The following GATAD2A variants were observed in gnomAD, a reference collection of about 807,000 sequenced individuals.
The protein encoded by GATAD2A is transcriptional repressor p66-alpha.
GATAD2A carries 12 observed loss-of-function variants against 68.5 expected under a neutral mutation model. The observed-to-expected ratio is 0.18, with a 90% CI of 0.11 to 0.28. GATAD2A has a LOEUF of 0.28. GATAD2A is among the 10% of genes least tolerant of loss of function. The pLI is 1.00. For missense variants in GATAD2A, 755 were observed against 868.5 expected, an observed-to-expected ratio of 0.87 and a Z score of 1.64; for synonymous variants, 410 against 375.3, an observed-to-expected ratio of 1.09 and a Z score of -1.07.
intron 1 of GATAD2A, among the ~76,000 whole-genome samples, chr19:19,392,409 T>C (rs577766776): frequency 1.2e-4 from 18 of 147,986 alleles, no homozygotes; most frequent in African/African-American, 3.8e-4. Context: ...TTTTTTTTTT[T>C]CCAGACAGAG....
At chr19:19,396,878 T>G (rs914999862) in intron 1 of GATAD2A, among the ~76,000 whole-genome samples, 1 of 152,078 alleles carries the variant, frequency 6.6e-6, no homozygotes, top group African/African-American at 2.4e-5. Context: ...AGGGCTAATT[T>G]TTGTATTTTC....
chr19:19,390,860 G>A (rs1324641863), intron 1 of GATAD2A, among the ~76,000 whole-genome samples: 1 of 152,126 alleles, frequency 6.6e-6, no homozygotes, highest in Non-Finnish European at 1.5e-5. Context: ...CAGATTTGGG[G>A]ACAAAAGACT....
At chr19:19,454,012 T>C (rs1206379435) in intron 1 of GATAD2A, among the ~76,000 whole-genome samples, 7 of 149,428 alleles carry the variant, frequency 4.7e-5, no homozygotes, top group Non-Finnish European at 8.9e-5. Context: ...TTGTTTTGCT[T>C]TTGAGACAGA....
chr19:19,452,261 T>TC (rs2056469869), intron 1 of GATAD2A, among the ~76,000 whole-genome samples: 2 of 152,250 alleles, frequency 1.3e-5, no homozygotes, highest in South Asian at 4.1e-4. Flanking sequence ...TTCCCAGTCT[T>TC]CTTGTTGCCC....
intron 1 of GATAD2A, among the ~76,000 whole-genome samples, chr19:19,447,619 T>C (rs1315417498): frequency 2.0e-5 from 3 of 152,216 alleles, no homozygotes. Flanking sequence ...TGTTTGTGGG[T>C]AGACCCACGG....
chr19:19,402,755 T>TTTTTTG (rs1555801776), upstream of GATAD2A, among the ~76,000 whole-genome samples: 7 of 151,062 alleles, frequency 4.6e-5, no homozygotes, highest in African/African-American at 1.7e-4. Flanking sequence ...AGGGTTTTTT[T>TTTTTTG]TTTTTGTTTT....
intron 1 of GATAD2A, among the ~76,000 whole-genome samples, chr19:19,415,955 A>G (rs1036439571): frequency 2.8e-5 from 3 of 106,750 alleles, no homozygotes; most frequent in African/African-American, 1.6e-4. Flanking sequence ...TTTTCCCTGT[A>G]TGGTTTTTTT....
At chr19:19,434,692 C>T (rs1165734989) in intron 1 of GATAD2A, among the ~76,000 whole-genome samples, 1 of 152,164 alleles carries the variant, frequency 6.6e-6, no homozygotes, top group Non-Finnish European at 1.5e-5. Flanking sequence ...CAGCCTCTGG[C>T]CCATAGCCCT....
At chr19:19,479,122 A>C (rs1298299387) in intron 2 of GATAD2A, among the ~76,000 whole-genome samples, 1 of 152,158 alleles carries the variant, frequency 6.6e-6, no homozygotes, top group African/African-American at 2.4e-5. Context: ...GAGAAACCAA[A>C]ATCCAGAGTG....
chr19:19,433,577 TCA>T (rs917216483), intron 1 of GATAD2A, among the ~76,000 whole-genome samples: 6 of 152,196 alleles, frequency 3.9e-5, no homozygotes, highest in African/African-American at 9.7e-5. Flanking sequence ...TTCATATACT[TCA>T]GTTTTCTTTT....
chr19:19,420,870 CGT>C (rs1568269297), intron 1 of GATAD2A, among the ~76,000 whole-genome samples: 1 of 152,132 alleles, frequency 6.6e-6, no homozygotes, highest in African/African-American at 2.4e-5. Context: ...AGGCATGTAA[CGT>C]GTTGGCACAT....
chr19:19,471,768 C>A (rs970085479), intron 2 of GATAD2A, among the ~76,000 whole-genome samples: 12 of 152,260 alleles, frequency 7.9e-5, no homozygotes, highest in Middle Eastern at 3.4e-3. Context: ...AAAAACAAAA[C>A]CCGCAGAGGT....
At chr19:19,432,680 G>A (rs2053889081) in intron 1 of GATAD2A, among the ~76,000 whole-genome samples, 1 of 152,200 alleles carries the variant, frequency 6.6e-6, no homozygotes, top group African/African-American at 2.4e-5. Flanking sequence ...GACAGAACTA[G>A]GATTTTGTTT....
At chr19:19,387,632 G>T (rs1210935296) in intron 1 of GATAD2A, among the ~76,000 whole-genome samples, 3 of 152,032 alleles carry the variant, frequency 2.0e-5, no homozygotes, top group Non-Finnish European at 4.4e-5. Flanking sequence ...GCTTTTTGAT[G>T]AGTGCCTTCA....
chr19:19,451,058 C>T (rs866201192), intron 1 of GATAD2A, among the ~76,000 whole-genome samples: 1 of 152,064 alleles, frequency 6.6e-6, no homozygotes, highest in Middle Eastern at 3.4e-3. Context: ...GCGTGAGCCA[C>T]CGCACCCGGC....
intron 11 of GATAD2A, among the ~76,000 whole-genome samples, chr19:19,504,261 G>C (rs750147626): frequency 8.5e-5 from 13 of 152,252 alleles, no homozygotes; most frequent in Admixed American, 2.6e-4. Context: ...CGTGTGCTGG[G>C]TGGGGGCATT....
intron 2 of GATAD2A, among the ~76,000 whole-genome samples, chr19:19,480,258 A>C (rs543796793): frequency 6.6e-6 from 1 of 152,308 alleles, no homozygotes; most frequent in African/African-American, 2.4e-5. Context: ...ATACCATTGA[A>C]TGTTGGAAAA....
At chr19:19,418,794 G>A (rs567048405) in intron 1 of GATAD2A, among the ~76,000 whole-genome samples, 143 of 152,224 alleles carry the variant, frequency 9.4e-4, no homozygotes, top group African/African-American at 3.4e-3. Context: ...AAGACAGGTG[G>A]GTGTCCCGCT....
rs909870834 is a variant in GATAD2A, at chr19:19,505,751, G to A, written c.*277G>A. On this transcript the variant is annotated 3_prime_UTR_variant, in exon 12 of 12. Coordinates refer to ENST00000683918, the MANE Select transcript of GATAD2A (RefSeq NM_001384528.1). ...TTCTCTCTTTGCCTTTAGTTTGCCC[G>A]ACACCAGCAGAAAAGTGGACCTTGG... The A allele has an allele frequency of 8.5e-6, 4 of 468,780 alleles. No individual in the cohort carries two copies. Among genetic ancestry groups the A allele is most frequent in the African/African-American group, 4.1e-5 (2 of 48,922 alleles). 29.0% of individuals were successfully genotyped at this position (468,780 alleles called of 1,614,324 possible). A position where few individuals can be genotyped will look rare whatever the true frequency, so the allele number is the denominator to read the frequency against.
Sources: allele counts gnomAD v4.1 joint callset (sites outside exome capture counted in the v4.1 genomes callset), GRCh38; gene constraint gnomAD v4.1.1; transcripts MANE v1.5; gene names NCBI Gene and HGNC (gene_info 2026-07-23, HGNC 2026-07-21).